Variants in GABRB2 observed in about 807,000 individuals in gnomAD.
GABRB2 encodes the protein gamma-aminobutyric acid type A receptor subunit beta2.
In GABRB2, 16 loss-of-function variants were observed where a neutral mutation model predicts 54.7. The observed-to-expected ratio is 0.29, with a 90% confidence interval of 0.20 to 0.44. The LOEUF (loss-of-function observed/expected upper bound fraction) is 0.44. GABRB2 is among the 20% of genes least tolerant of loss of function. GABRB2 has a pLI of 1.00. For synonymous variants in GABRB2, 244 were observed against 233.8 expected, an observed-to-expected ratio of 1.04 and a Z score of -0.40; for missense variants, 355 against 644.0, an observed-to-expected ratio of 0.55 and a Z score of 4.86.
At chr5:161,303,289 G>A (rs1307616397) in intron 9 of GABRB2, among the ~76,000 whole-genome samples, 8 of 152,090 alleles carry the variant, frequency 5.3e-5, no homozygotes, top group Non-Finnish European at 8.8e-5. Context: ...TGAAGTGGAC[G>A]CTGTTGGCTC....
At chr5:161,372,418 C>T (rs1467177114) in intron 5 of GABRB2, among the ~76,000 whole-genome samples, 1 of 152,060 alleles carries the variant, frequency 6.6e-6, no homozygotes, top group Non-Finnish European at 1.5e-5. Flanking sequence ...TACTTTTTTT[C>T]TTAACTCCCT....
At chr5:161,418,324 G>A (rs1397862916) in intron 4 of GABRB2, among the ~76,000 whole-genome samples, 1 of 151,976 alleles carries the variant, frequency 6.6e-6, no homozygotes, top group African/African-American at 2.4e-5. Flanking sequence ...TACATTCCTG[G>A]CGGTCTCATC....
intron 3 of GABRB2, among the ~76,000 whole-genome samples, chr5:161,467,248 T>C (rs1371553670): frequency 2.0e-5 from 3 of 152,144 alleles, no homozygotes; most frequent in Non-Finnish European, 4.4e-5. Flanking sequence ...CTCTCTCTGC[T>C]ATCAGGCTTT....
intron 3 of GABRB2, among the ~76,000 whole-genome samples, chr5:161,461,234 G>A (rs1286328723): frequency 6.6e-6 from 1 of 152,180 alleles, no homozygotes; most frequent in Non-Finnish European, 1.5e-5. Flanking sequence ...TGTACACTGA[G>A]GCTAATGTAA....
intron 5 of GABRB2, among the ~76,000 whole-genome samples, chr5:161,348,267 CAA>C (rs1217220568): frequency 6.6e-6 from 1 of 151,890 alleles, no homozygotes; most frequent in African/African-American, 2.4e-5. Context: ...TTGAAACCAA[CAA>C]AAACGATCCT....
chr5:161,450,182 A>G (rs17522153), intron 4 of GABRB2, among the ~76,000 whole-genome samples: 2,888 of 152,140 alleles, frequency 0.019, 39 homozygotes, highest in Middle Eastern at 0.078. Context: ...CTCTTTCCTA[A>G]AGCAATCCCC....
intron 3 of GABRB2, among the ~76,000 whole-genome samples, chr5:161,461,625 A>C (rs1758120932): frequency 6.6e-6 from 1 of 152,206 alleles, no homozygotes; most frequent in African/African-American, 2.4e-5. Context: ...GTACAATGTA[A>C]TTGCTCTCTC....
At chr5:161,505,377 C>T (rs1274249687) in intron 3 of GABRB2, among the ~76,000 whole-genome samples, 3 of 152,006 alleles carry the variant, frequency 2.0e-5, no homozygotes, top group Non-Finnish European at 4.4e-5. Context: ...GTGATCCACC[C>T]GCCTCCGCCT....
chr5:161,344,380 T>C (rs1030694883), intron 5 of GABRB2, among the ~76,000 whole-genome samples: 4 of 152,116 alleles, frequency 2.6e-5, no homozygotes, highest in Non-Finnish European at 5.9e-5. Context: ...ATATTTTGCC[T>C]CATTAGGCTA....
chr5:161,493,548 T>TA (rs937130859), intron 3 of GABRB2, among the ~76,000 whole-genome samples: 7 of 151,592 alleles, frequency 4.6e-5, no homozygotes, highest in Non-Finnish European at 8.9e-5. Context: ...AGATTCTGTT[T>TA]AAAAAAAATT....
chr5:161,526,499 T>G (rs1409386285), intron 3 of GABRB2, among the ~76,000 whole-genome samples: 2 of 151,480 alleles, frequency 1.3e-5, no homozygotes, highest in African/African-American at 4.8e-5. Flanking sequence ...CATTTATATT[T>G]CAATTAAGGG....
intron 5 of GABRB2, among the ~76,000 whole-genome samples, chr5:161,368,116 G>GACACACACAC (rs11467721): frequency 0.24 from 34,463 of 144,598 alleles, 4,326 homozygotes; most frequent in South Asian, 0.38. Context: ...CTCCCTCTCT[G>GACACACACAC]ACACACACAC....
chr5:161,348,718 C>T (rs1464875882), intron 5 of GABRB2, among the ~76,000 whole-genome samples: 1 of 152,066 alleles, frequency 6.6e-6, no homozygotes, highest in African/African-American at 2.4e-5. Flanking sequence ...AAGTAGCCAA[C>T]TTGTCTTCCT....
chr5:161,504,005 T>C (rs572953192), intron 3 of GABRB2, among the ~76,000 whole-genome samples: 347 of 152,224 alleles, frequency 2.3e-3, no homozygotes, highest in Non-Finnish European at 4.2e-3. Context: ...CAAAAAGTCA[T>C]AGTATGAAAT....
intron 3 of GABRB2, among the ~76,000 whole-genome samples, chr5:161,519,982 A>G (rs907736521): frequency 6.6e-6 from 1 of 152,066 alleles, no homozygotes; most frequent in Non-Finnish European, 1.5e-5. Flanking sequence ...CTTTTTTCCA[A>G]TGTTGGTTTT....
intron 5 of GABRB2, among the ~76,000 whole-genome samples, chr5:161,391,166 C>G (rs557581145): frequency 2.0e-4 from 31 of 152,212 alleles, no homozygotes; most frequent in Non-Finnish European, 3.5e-4. Context: ...AAGAAACATG[C>G]AATGCAATCT....
At chr5:161,297,000 T>A (rs1757398610) in intron 9 of GABRB2, among the ~76,000 whole-genome samples, 1 of 152,156 alleles carries the variant, frequency 6.6e-6, no homozygotes, top group Non-Finnish European at 1.5e-5. Flanking sequence ...ATAGATGAAG[T>A]TTATTTACTT....
intron 4 of GABRB2, among the ~76,000 whole-genome samples, chr5:161,417,911 T>A (rs769049040): frequency 6.6e-6 from 1 of 152,216 alleles, no homozygotes; most frequent in East Asian, 1.9e-4. Context: ...CTCATAGTCA[T>A]ATGCACTACT....
intron 4 of GABRB2, among the ~76,000 whole-genome samples, chr5:161,446,351 G>A (rs180796673): frequency 6.6e-6 from 1 of 152,190 alleles, no homozygotes; most frequent in Admixed American, 6.5e-5. Flanking sequence ...ATAAATTAGA[G>A]TTTATTATTA....
Sources: gnomAD v4.1 joint callset for allele counts (sites outside exome capture counted in the v4.1 genomes callset) on GRCh38, gnomAD v4.1.1 for gene constraint, MANE v1.5 for transcripts, NCBI Gene and HGNC (gene_info 2026-07-23, HGNC 2026-07-21) for gene names.